ONECUT2: variants seen among roughly 807,000 people sequenced by gnomAD.
The protein encoded by ONECUT2 is one cut homeobox 2.
Under a neutral mutation model 27.9 loss-of-function variants are expected in ONECUT2, and 10 were observed. The observed-to-expected ratio is 0.36, with a 90% CI of 0.22 to 0.61. The LOEUF (loss-of-function observed/expected upper bound fraction) is 0.61, where lower values mean the gene tolerates loss of function less well. Ranked by LOEUF, ONECUT2 falls within the 20% of genes least tolerant of loss-of-function variation. ONECUT2 has a pLI of 0.73. For synonymous variants in ONECUT2, 334 were observed against 315.1 expected, an observed-to-expected ratio of 1.06 and a Z score of -0.64; for missense variants, 686 against 721.0, an observed-to-expected ratio of 0.95 and a Z score of 0.56.
In ONECUT2 at chr18:57,436,417, A is replaced by G. The variant is rs2050142376; in HGVS notation, c.701A>G (p.Asn234Ser). ...LSPLAATPLG[N>S]GLGGLHNAQQ... is the part of the protein sequence containing the mutation. The stretch of plus-strand genomic sequence containing the variant: ...CCGCTGGCCGCCACGCCGCTGGGCA[A>G]CGGGCTAGGCGGCCTCCACAACGCG... The change falls in exon 1 of 2, where the codon AAC becomes AGC. Residue 234 changes from asparagine (N) to serine (S), a missense_variant. By Grantham distance (46) the Asn-to-Ser change is conservative (BLOSUM62 1). Transcript: ENST00000491143. This position sits in a 1 kb window ranked among gnomAD's most constrained non-coding sequence, Gnocchi z 5.9. 1.2e-6 allele frequency: 2 copies of G among 1,611,722 alleles called. No individual in the cohort carries two copies. Among genetic ancestry groups the G allele is most frequent in the Non-Finnish European group, 1.7e-6 (2 of 1,179,856 alleles).
In ONECUT2 at chr18:57,435,888, G is replaced by A; in HGVS notation, c.172G>A (p.Glu58Lys). Residue 58 changes from glutamate to lysine, a missense_variant, in exon 1 of 2, where the codon GAG (glutamate) becomes AAG (lysine). Transcript: ENST00000491143. The stretch of plus-strand genomic sequence containing the variant: ...GGGCGGCGGCGGGGGCCCGGGCCAT[G>A]AGCAGGAGCTGCTGGCCAGCCCCAG... Reference protein sequence around the residue: ...GGGGGGGPGHEQELLASPSPH... With the variant: ...GGGGGGGPGHKQELLASPSPH... 9.1e-7 allele frequency: 1 copy of A among 1,095,786 alleles called. No homozygotes were observed. The highest frequency in any genetic ancestry group is 1.1e-6 in the Non-Finnish European group (1 of 903,496). The allele number at this position is 1,095,786 out of a possible 1,614,324, so 67.9% of individuals were successfully genotyped here.
rs1324937964 is a variant in ONECUT2, at chr18:57,481,610, C to G, written c.*4887C>G. On this transcript the variant is annotated 3_prime_UTR_variant, in exon 2 of 2. Transcript: ENST00000491143. ...TCTGGGTATGGGGGAAACTTCCCCA[C>G]TTTTGAAAATGTTGGTAGAATTATA... is the stretch of plus-strand genomic sequence containing the variant. The G allele has an allele frequency of 6.6e-6, 1 of 152,130 alleles. No individual in the cohort carries two copies. The highest frequency in any genetic ancestry group is 1.5e-5 in the Non-Finnish European group (1 of 68,030). 9.4% of individuals were successfully genotyped at this position (152,130 alleles called of 1,614,324 possible). A position where few individuals can be genotyped will look rare whatever the true frequency, so the allele number is the denominator to read the frequency against.
intron 1 of ONECUT2, among the ~76,000 whole-genome samples, chr18:57,458,379 A>G (rs754251198): frequency 2.6e-5 from 4 of 152,178 alleles, no homozygotes; most frequent in Non-Finnish European, 5.9e-5. Flanking sequence ...TTACCTACAT[A>G]TGTACTCATA....
At chr18:57,438,359 G>C (rs1337822511) in intron 1 of ONECUT2, among the ~76,000 whole-genome samples, 2 of 152,226 alleles carry the variant, frequency 1.3e-5, no homozygotes, top group Non-Finnish European at 2.9e-5. Flanking sequence ...GGAACAATTC[G>C]TGGTGGCGAT....
In ONECUT2 at chr18:57,436,743, A is replaced by G. The variant is rs1190488076; in HGVS notation, c.1027A>G (p.Thr343Ala). 3 of 1,613,840 alleles carry G rather than the reference A, an allele frequency of 1.9e-6. No individual in the cohort carries two copies. Among genetic ancestry groups the G allele is most frequent in the African/African-American group, 1.3e-5 (1 of 74,942 alleles). ...INTKEVAQRI[T>A]AELKRYSIPQ... ...CACCAAAGAGGTGGCCCAGCGCATC[A>G]CAGCGGAGCTGAAGCGCTACAGTAT... The change falls in exon 1 of 2, where the codon ACA becomes GCA. Residue 343 changes from threonine (T) to alanine (A), a missense_variant. This residue lies in a region of ONECUT2 where 47 missense variants were observed against 86.0 expected (regional missense o/e 0.55). Transcript: ENST00000491143. This position sits in a 1 kb window ranked among gnomAD's most constrained non-coding sequence, Gnocchi z 5.9.
At position 57,480,940 on chromosome 18, in the gene ONECUT2, G is replaced by A. The variant is rs1285436605; in HGVS notation, c.*4217G>A. 2.6e-5 allele frequency: 4 copies of A among 152,082 alleles called. No individual in the cohort carries two copies. The highest frequency in any genetic ancestry group is 5.9e-5 in the Non-Finnish European group (4 of 68,028). 9.4% of individuals were successfully genotyped at this position (152,082 alleles called of 1,614,324 possible). Reference sequence around the variant, plus strand: ...AATTCCAGGCATTCCTCAACCATCAGGAAAAGGTACAGTGTGAAGGAACAG... The same window carrying A: ...AATTCCAGGCATTCCTCAACCATCAAGAAAAGGTACAGTGTGAAGGAACAG... On this transcript the variant is annotated 3_prime_UTR_variant, in exon 2 of 2. Coordinates refer to ENST00000491143, the MANE Select transcript of ONECUT2 (RefSeq NM_004852.3).
At chr18:57,461,973 A>G (rs1017334652) in intron 1 of ONECUT2, among the ~76,000 whole-genome samples, 1 of 152,242 alleles carries the variant, frequency 6.6e-6, no homozygotes, top group African/African-American at 2.4e-5. Flanking sequence ...CATAGGGCAC[A>G]TATATATTCA....
At position 57,476,971 on chromosome 18, in the gene ONECUT2, T is replaced by TCTGAGCATG. The variant is rs1193812416; in HGVS notation, c.*251_*259dup. On this transcript the variant is annotated 3_prime_UTR_variant, in exon 2 of 2. Transcript: ENST00000491143. ...AATCTCTTAGAACCAGACACTGTTC[T>TCTGAGCATG]CTGAGCATGCTAAGCATCCCAGAAA... 2 of 512,494 alleles carry TCTGAGCATG rather than the reference T, an allele frequency of 3.9e-6. No homozygotes were observed. Among genetic ancestry groups the TCTGAGCATG allele is most frequent in the African/African-American group, 3.8e-5 (2 of 52,216 alleles). 31.7% of individuals were successfully genotyped at this position (512,494 alleles called of 1,614,324 possible).
chr18:57,445,644 G>A (rs1452494125), intron 1 of ONECUT2, among the ~76,000 whole-genome samples: 1 of 152,172 alleles, frequency 6.6e-6, no homozygotes, highest in African/African-American at 2.4e-5. Flanking sequence ...AGTTCAAAGG[G>A]CAGAGTTCAG....
intron 1 of ONECUT2, among the ~76,000 whole-genome samples, chr18:57,438,575 G>A (rs1001147063): frequency 3.0e-4 from 45 of 152,342 alleles, no homozygotes; most frequent in African/African-American, 9.9e-4. Context: ...CTTGGGGAGG[G>A]GGAGTTTCCG....
intron 1 of ONECUT2, among the ~76,000 whole-genome samples, chr18:57,467,688 G>A (rs2050331400): frequency 6.6e-6 from 1 of 152,196 alleles, no homozygotes. Context: ...TTCTAGATGA[G>A]AGGAAGAATG....
At chr18:57,469,803 G>C (rs778389285) in intron 1 of ONECUT2, among the ~76,000 whole-genome samples, 20 of 152,198 alleles carry the variant, frequency 1.3e-4, no homozygotes, top group Non-Finnish European at 2.8e-4. Context: ...TCTGTGCCAA[G>C]TGTTACAGCA....
chr18:57,446,190 T>C (rs544735742), intron 1 of ONECUT2, among the ~76,000 whole-genome samples: 52 of 152,358 alleles, frequency 3.4e-4, no homozygotes, highest in African/African-American at 1.1e-3. Flanking sequence ...TTCCAGAGTT[T>C]TGACTAAAGC....
At position 57,435,599 on chromosome 18, in the gene ONECUT2, C is replaced by A; in HGVS notation, c.-118C>A. ...CGGGGCGCACACCCGCACGCGCACT[C>A]CTCTCCACTCACTCCCGCGCCCGCC... On this transcript the variant is annotated 5_prime_UTR_variant, in exon 1 of 2. Transcript: ENST00000491143. 7.9e-6 allele frequency: 7 copies of A among 888,312 alleles called. No homozygotes were observed. The highest frequency in any genetic ancestry group is 9.4e-6 in the Non-Finnish European group (7 of 741,876). The allele number at this position is 888,312 out of a possible 1,614,324, so 55.0% of individuals were successfully genotyped here. A position where few individuals can be genotyped will look rare whatever the true frequency, so the allele number is the denominator to read the frequency against.
intron 1 of ONECUT2, among the ~76,000 whole-genome samples, chr18:57,441,161 G>A (rs574514598): frequency 6.6e-6 from 1 of 152,244 alleles, no homozygotes; most frequent in Non-Finnish European, 1.5e-5. Context: ...TTTCCACTGT[G>A]TGGTTATGTC....
In ONECUT2 at chr18:57,435,915, C is replaced by A. The variant is rs1371214056; in HGVS notation, c.199C>A (p.Pro67Thr). Residue 67 changes from proline (P) to threonine (T), a missense_variant, in exon 1 of 2, where the codon CCC (proline) becomes ACC (threonine). Transcript: ENST00000491143. ...HEQELLASPSPHHAGRGAAGS... is the reference protein window; with the variant it reads ...HEQELLASPSTHHAGRGAAGS... ...GCAGGAGCTGCTGGCCAGCCCCAGC[C>A]CCCACCACGCGGGCCGCGGCGCCGC... 9 of 1,157,298 alleles carry A rather than the reference C, an allele frequency of 7.8e-6. No individual in the cohort carries two copies. The highest frequency in any genetic ancestry group is 9.5e-6 in the Non-Finnish European group (9 of 942,656). The allele number at this position is 1,157,298 out of a possible 1,614,324, so 71.7% of individuals were successfully genotyped here.
At position 57,476,406 on chromosome 18, in the gene ONECUT2, G is replaced by C. The variant is rs763020373; in HGVS notation, c.1229-31G>C. 4.4e-6 allele frequency: 7 copies of C among 1,605,692 alleles called. No homozygotes were observed. The South Asian group carries it at 7.8e-5, about 18-fold the overall frequency. On this transcript the variant is annotated intron_variant, in intron 1 of 1. Transcript: ENST00000491143. ...GATCACCTTCTCAGGTGAGCCCACTGACTCCTCTCCTTCTTCTCTTTCCCT... is the reference window on the plus strand; with the variant it reads ...GATCACCTTCTCAGGTGAGCCCACTCACTCCTCTCCTTCTTCTCTTTCCCT...
chr18:57,460,185 T>C (rs1312054173), intron 1 of ONECUT2, among the ~76,000 whole-genome samples: 1 of 147,566 alleles, frequency 6.8e-6, no homozygotes, highest in Non-Finnish European at 1.5e-5. Flanking sequence ...CCTCAGCCTG[T>C]GTGCTGGGGT....
Position 57,436,031 on chromosome 18 carries a change from C to T in ONECUT2, c.315C>T (p.Ala105=), listed in dbSNP as rs1598926654. ...CGGCAGCGGCGGCGTCGCGCTCGGC[C>T]ATGGTCACCAGCATGGCCTCGATCC... The part of the protein sequence containing the change: ...AAAAAAASRS[A]MVTSMASILD... The change falls in exon 1 of 2, where the codon GCC becomes GCT. Residue 105 remains alanine (A), a synonymous_variant. Coordinates refer to ENST00000491143, the MANE Select transcript of ONECUT2 (RefSeq NM_004852.3). This position sits in a 1 kb window ranked among gnomAD's most constrained non-coding sequence, Gnocchi z 5.9. 2 of 1,572,706 alleles carry T rather than the reference C, an allele frequency of 1.3e-6. No individual in the cohort carries two copies. Among genetic ancestry groups the T allele is most frequent in the African/African-American group, 2.7e-5 (2 of 74,502 alleles).
Sources: gnomAD v4.1 joint callset for allele counts (sites outside exome capture counted in the v4.1 genomes callset) on GRCh38, gnomAD v4.1.1 for gene constraint, gnomAD v4.1.1 regional missense constraint, Gnocchi (gnomAD v3.1) non-coding constraint, MANE v1.5 for transcripts, NCBI Gene and HGNC (gene_info 2026-07-23, HGNC 2026-07-21) for gene names.